Variants in DCDC2C observed in about 807,000 individuals in gnomAD.
DCDC2C encodes doublecortin domain containing 2C.
Under a neutral mutation model 45.0 loss-of-function variants are expected in DCDC2C, and 44 were observed. The ratio of observed to expected loss-of-function variants is 0.98; its 90% CI spans 0.77 to 1.26. The LOEUF (loss-of-function observed/expected upper bound fraction) is 1.26, where lower values mean the gene tolerates loss of function less well. DCDC2C is among the 50% of genes most tolerant of loss of function. The probability of loss-of-function intolerance (pLI) is 0.00; values close to 1 mark genes in which losing one functional copy is unlikely to be tolerated. For synonymous variants in DCDC2C, 187 were observed against 178.8 expected (o/e 1.05, Z -0.37); for missense variants, 447 against 468.9 (o/e 0.95, Z 0.43).
rs1161807241 is a variant in DCDC2C at position 3,725,466 on chromosome 2, CCGGTGG to C, written c.340-1536_340-1531del. ...GACGAGCAGAGAGGGAGGAGGCTGC[CCGGTGG>C]ATCCCAGAGGAAGACGAGCAGAGAG... On this transcript the variant is annotated intron_variant, in intron 2 of 10. Transcript: ENST00000399143. Among the ~76,000 whole-genome samples, 44 of 101,908 alleles carry C rather than the reference CCGGTGG, an allele frequency of 4.3e-4. 1 individual carries two copies. Among genetic ancestry groups the C allele is most frequent in the East Asian group, 2.7e-3 (9 of 3,312 alleles). 66.9% of individuals were successfully genotyped at this position (101,908 alleles called of 152,430 possible).
At chr2:3,731,628 C>T (rs1490718229) in intron 3 of DCDC2C, among the ~76,000 whole-genome samples, 1 of 152,160 alleles carries the variant, frequency 6.6e-6, no homozygotes, top group African/African-American at 2.4e-5. Flanking sequence ...CAAATAATTT[C>T]CTGTGATGCT....
chr2:3,782,009 T>C (rs1670521795), intron 9 of DCDC2C, among the ~76,000 whole-genome samples: 2 of 152,230 alleles, frequency 1.3e-5, no homozygotes, highest in East Asian at 3.8e-4. Flanking sequence ...CAACGTGCAG[T>C]TCAGCGGCAT....
rs1672373323 is a variant in DCDC2C at position 3,847,882 on chromosome 2, G to A, written c.*699G>A. On this transcript the variant is annotated 3_prime_UTR_variant, in exon 11 of 11. Transcript: ENST00000399143. ...CTCTCTCTCTCCTGCTCTGCCATGT[G>A]AAAAAGATTCTTGCTTCCCCTTCGC... Among the ~76,000 whole-genome samples, 1 of 152,074 alleles carries A rather than the reference G, an allele frequency of 6.6e-6. No individual in the cohort carries two copies. The highest frequency in any genetic ancestry group is 2.1e-4 in the South Asian group (1 of 4,810).
chr2:3,731,927 T>C (rs542593048), intron 3 of DCDC2C, among the ~76,000 whole-genome samples: 2 of 152,226 alleles, frequency 1.3e-5, no homozygotes, highest in African/African-American at 4.8e-5. Flanking sequence ...GTCAGGACCA[T>C]ATGTATGAGT....
intron 1 of DCDC2C, among the ~76,000 whole-genome samples, chr2:3,706,921 A>C (rs1266481644): frequency 1.3e-5 from 2 of 152,240 alleles, no homozygotes; most frequent in African/African-American, 4.8e-5. Flanking sequence ...TCCATAAAGC[A>C]GGCTGGCTTC....
rs182839011 is a variant in DCDC2C, at chr2:3,847,020, C to A, written c.1066-134C>A. The stretch of plus-strand genomic sequence containing the variant: ...GTGCTGCAGGTCCCAGGTCCCACCC[C>A]ACCCCTCCCAGGAACAACACCCAGA... On this transcript the variant is annotated intron_variant, in intron 10 of 10. Coordinates refer to ENST00000399143, the MANE Select transcript of DCDC2C (RefSeq NM_001287444.2). 1.0e-3 allele frequency: 290 copies of A among 291,390 alleles called. 1 individual carries two copies. Among genetic ancestry groups the A allele is most frequent in the African/African-American group, 6.1e-3 (274 of 45,110 alleles). The allele number at this position is 291,390 out of a possible 1,614,324, so 18.1% of individuals were successfully genotyped here.
intron 10 of DCDC2C, 130 bp downstream of exon 10, chr2:3,785,230 C>T: frequency 5.1e-6 from 3 of 589,216 alleles, no homozygotes; most frequent in East Asian, 3.5e-5. Flanking sequence ...CTCTGTCATA[C>T]ACCCTAGCTC....
intron 10 of DCDC2C, among the ~76,000 whole-genome samples, chr2:3,828,285 G>A (rs1262222739): frequency 6.6e-6 from 1 of 152,182 alleles, no homozygotes; most frequent in Non-Finnish European, 1.5e-5. Context: ...AGCAGAAATT[G>A]AAGCAGATTG....
chr2:3,720,258 C>T (rs78628754), intron 2 of DCDC2C, among the ~76,000 whole-genome samples: 3 of 152,138 alleles, frequency 2.0e-5, no homozygotes, highest in South Asian at 2.1e-4. Context: ...CGTAGCAAAA[C>T]GTTGTGGTTT....
At chr2:3,829,219 A>G in intron 10 of DCDC2C, among the ~76,000 whole-genome samples, 1 of 151,472 alleles carries the variant, frequency 6.6e-6, no homozygotes, top group Non-Finnish European at 1.5e-5. Flanking sequence ...TGAGCCTGAG[A>G]ATCCGGATGC....
chr2:3,774,435 C>G (rs1404239171), intron 8 of DCDC2C, among the ~76,000 whole-genome samples: 3 of 152,226 alleles, frequency 2.0e-5, no homozygotes, highest in Non-Finnish European at 4.4e-5. Flanking sequence ...TGGCTGGGCA[C>G]CCCATTCTTC....
chr2:3,764,764 G>A (rs1213503617), intron 6 of DCDC2C, among the ~76,000 whole-genome samples: 1 of 152,222 alleles, frequency 6.6e-6, no homozygotes, highest in African/African-American at 2.4e-5. Flanking sequence ...ATGAAAGACA[G>A]TCTGAGGAGC....
chr2:3,726,900 C>A, intron 2 of DCDC2C, 103 bp from the exon 3 acceptor site: 1 of 1,033,372 alleles, frequency 9.7e-7, no homozygotes, highest in Admixed American at 2.2e-5. Context: ...AAAGGGGTTC[C>A]CCCCCTTTCT....
chr2:3,826,143 A>C (rs1448853351), intron 10 of DCDC2C, among the ~76,000 whole-genome samples: 2 of 152,196 alleles, frequency 1.3e-5, no homozygotes, highest in African/African-American at 2.4e-5. Flanking sequence ...CCTCTTGTAA[A>C]CAGCTGGCAT....
intron 8 of DCDC2C, among the ~76,000 whole-genome samples, chr2:3,775,003 G>A (rs558915416): frequency 6.6e-6 from 1 of 151,960 alleles, no homozygotes; most frequent in Admixed American, 6.5e-5. Flanking sequence ...GACCTCAGGT[G>A]ATTCACCTGC....
chr2:3,705,110 G>C (rs775418586), intron 1 of DCDC2C, among the ~76,000 whole-genome samples: 3 of 152,166 alleles, frequency 2.0e-5, no homozygotes, highest in Non-Finnish European at 4.4e-5. Flanking sequence ...AAAATGCTCT[G>C]AATTAAATCA....
At chr2:3,731,767 G>A (rs1572568280) in intron 3 of DCDC2C, among the ~76,000 whole-genome samples, 1 of 152,178 alleles carries the variant, frequency 6.6e-6, no homozygotes, top group East Asian at 1.9e-4. Context: ...CCCACAGACA[G>A]GCTATGTCTA....
intron 2 of DCDC2C, among the ~76,000 whole-genome samples, chr2:3,716,689 T>C (rs1045242230): frequency 1.3e-5 from 2 of 152,162 alleles, no homozygotes; most frequent in African/African-American, 4.8e-5. Flanking sequence ...TAGGGAGAAT[T>C]ACTTGAGAAA....
At chr2:3,834,185 G>T (rs1450732935) in intron 10 of DCDC2C, among the ~76,000 whole-genome samples, 2 of 147,378 alleles carry the variant, frequency 1.4e-5, no homozygotes, top group African/African-American at 5.0e-5. Flanking sequence ...AACCAACACT[G>T]ACCCCTCACA....
Sources: allele counts gnomAD v4.1 joint callset (sites outside exome capture counted in the v4.1 genomes callset), GRCh38; gene constraint gnomAD v4.1.1; transcripts MANE v1.5; gene names NCBI Gene and HGNC (gene_info 2026-07-23, HGNC 2026-07-21).